ZNF324B: variants seen among roughly 807,000 people sequenced by gnomAD.
ZNF324B encodes zinc finger protein 324B.
Under a neutral mutation model 10.6 loss-of-function variants are expected in ZNF324B, and 7 were observed. The observed-to-expected ratio is 0.66, with a 90% CI of 0.38 to 1.24. ZNF324B has a LOEUF of 1.24. ZNF324B is among the 50% of genes most tolerant of loss of function. ZNF324B has a pLI of 0.02. For missense variants in ZNF324B, 640 were observed against 764.7 expected (o/e 0.84, Z 1.92); for synonymous variants, 316 against 321.0 (o/e 0.98, Z 0.17).
At chr19:58,420,096 A>G in the ZNF324B span, among the ~76,000 whole-genome samples, 1 of 152,188 alleles carries the variant, frequency 6.6e-6, no homozygotes, top group Non-Finnish European at 1.5e-5. Context: ...AGCCTGGCCA[A>G]CATGGTGAAA....
At chr19:58,451,616 G>A (rs774864305), upstream of ZNF324B, 1 of 517,572 alleles carries the variant, frequency 1.9e-6, no homozygotes, top group Middle Eastern at 3.2e-4. Flanking sequence ...TTCCGGCGTT[G>A]GGACTGTCAC....
chr19:58,427,386 CTT>C, the ZNF324B span, among the ~76,000 whole-genome samples: 37 of 41,974 alleles, frequency 8.8e-4, no homozygotes, highest in African/African-American at 4.0e-3. Flanking sequence ...TTCTTTCTTT[CTT>C]TCTTTCTTTC....
Position 58,451,687 on chromosome 19 carries a change from A to AGGGCTTGT in ZNF324B, c.-22_-21insGCTTGTGG. 1 of 500,694 alleles carries AGGGCTTGT rather than the reference A, an allele frequency of 2.0e-6. No individual in the cohort carries two copies. Among genetic ancestry groups the AGGGCTTGT allele is most frequent in the Admixed American group, 2.1e-5 (1 of 48,516 alleles). 31.0% of individuals were successfully genotyped at this position (500,694 alleles called of 1,614,324 possible). On this transcript the variant is annotated 5_prime_UTR_variant, in exon 1 of 4. Coordinates refer to ENST00000336614, the MANE Select transcript of ZNF324B (RefSeq NM_207395.3). ...GCTGTGGCGCGCGGGTCGGGGCCCG[A>AGGGCTTGT]GGCGGGCGGCCAGGAAGGTACGGAC...
At position 58,455,643 on chromosome 19, in the gene ZNF324B, A is replaced by G. The variant is rs1374562637; in HGVS notation, c.699A>G (p.Arg233=). Residue 233 remains arginine, a synonymous_variant, in exon 4 of 4, where the codon AGA becomes AGG. Coordinates refer to ENST00000336614, the MANE Select transcript of ZNF324B (RefSeq NM_207395.3). The surrounding 1 kb of genome is among the most constrained non-coding windows in gnomAD (Gnocchi z 7.0). ...RMGAAWQEPH[R]LLGGQEPSTW... is the part of the protein sequence containing the mutation. ...GCGCAGCTTGGCAGGAGCCTCATAGACTCCTCGGTGGCCAGGAGCCCTCGA... is the reference window on the plus strand; with the variant it reads ...GCGCAGCTTGGCAGGAGCCTCATAGGCTCCTCGGTGGCCAGGAGCCCTCGA... 1 of 1,612,970 alleles carries G rather than the reference A, an allele frequency of 6.2e-7. No homozygotes were observed. The highest frequency in any genetic ancestry group is 1.3e-5 in the African/African-American group (1 of 74,654).
rs1310922170 is a variant in ZNF324B at position 58,452,761 on chromosome 19, C to T, written c.-6-935C>T. On this transcript the variant is annotated intron_variant, in intron 1 of 3. Transcript: ENST00000336614. The stretch of plus-strand genomic sequence containing the variant: ...CTGAAGAAGGCGATGAGCAGTCAGG[C>T]GTGCGGAGTTACAGCTTGAGGGTAA... The T allele has an allele frequency of 1.7e-5, 10 of 594,606 alleles. 1 individual carries two copies. Among genetic ancestry groups the T allele is most frequent in the East Asian group, 1.4e-4 (1 of 7,016 alleles). The allele number at this position is 594,606 out of a possible 1,614,324, so 36.8% of individuals were successfully genotyped here.
the ZNF324B span, chr19:58,437,311 C>G: frequency 5.8e-6 from 8 of 1,371,256 alleles, no homozygotes; most frequent in Non-Finnish European, 7.8e-6. Flanking sequence ...ATCTCTTTTT[C>G]TTATGATCCT....
At chr19:58,443,190 G>A in the ZNF324B span, 1 of 152,240 alleles carries the variant, frequency 6.6e-6, no homozygotes, top group African/African-American at 2.4e-5. Context: ...GCTAGACACA[G>A]AGCGCTGATT....
At position 58,453,815 on chromosome 19, in the gene ZNF324B, C is replaced by G. The variant is rs746188856; in HGVS notation, c.114C>G (p.Thr38=). The G allele has an allele frequency of 7.4e-6, 12 of 1,613,752 alleles. No homozygotes were observed. Among genetic ancestry groups the G allele is most frequent in the Admixed American group, 1.7e-5 (1 of 59,984 alleles). ...HVMLENFTLV[T]SLGLSTSRPR... is the part of the protein sequence containing the mutation. ...TGCTGGAAAACTTCACACTTGTGAC[C>G]TCACTTGGTAAGGCCCTGGGTGCTC... The change falls in exon 2 of 4, where the codon ACC becomes ACG. Residue 38 remains threonine, a synonymous_variant. Transcript: ENST00000336614.
chr19:58,424,268 A>AAAC, the ZNF324B span, among the ~76,000 whole-genome samples: 583 of 151,920 alleles, frequency 3.8e-3, 2 homozygotes, highest in African/African-American at 0.013. Context: ...AAAATAAAAC[A>AAAC]AACAACAACA....
the ZNF324B span, among the ~76,000 whole-genome samples, chr19:58,423,070 C>T: frequency 2.6e-5 from 4 of 152,116 alleles, no homozygotes; most frequent in Non-Finnish European, 5.9e-5. Context: ...AGGGTTTCAC[C>T]GTGTTAGCCA....
chr19:58,427,332 TTTC>T, the ZNF324B span, among the ~76,000 whole-genome samples: 1 of 98,544 alleles, frequency 1.0e-5, no homozygotes, highest in African/African-American at 6.2e-5. Context: ...TCTTTCTTTC[TTTC>T]TTTCTTTCTC....
chr19:58,437,917 G>A, the ZNF324B span: 7 of 473,132 alleles, frequency 1.5e-5, no homozygotes, highest in South Asian at 4.6e-4. Context: ...GCCTTTGTAT[G>A]TGTTGTCTCC....
intron 3 of ZNF324B, chr19:58,454,955 TG>T (rs1568604235): frequency 5.8e-6 from 4 of 686,622 alleles, no homozygotes; most frequent in African/African-American, 1.8e-5. Context: ...CCTGGGTGTC[TG>T]GGGGCTGCCG....
At chr19:58,442,566 C>G in the ZNF324B span, 1 of 152,294 alleles carries the variant, frequency 6.6e-6, no homozygotes, top group Admixed American at 6.6e-5. Context: ...GGTTCGTGGT[C>G]TTGCTGACTT....
the ZNF324B span, chr19:58,439,777 C>T: frequency 6.5e-7 from 1 of 1,545,258 alleles, no homozygotes; most frequent in Non-Finnish European, 8.7e-7. Flanking sequence ...GGCCCATCAG[C>T]AACGCTGGCA....
the ZNF324B span, chr19:58,433,604 G>A: frequency 6.2e-7 from 1 of 1,614,158 alleles, no homozygotes; most frequent in Non-Finnish European, 8.5e-7. Context: ...TGACAAATAA[G>A]GCTGGATTTT....
the ZNF324B span, chr19:58,439,621 A>C: frequency 1.2e-6 from 1 of 863,564 alleles, no homozygotes; most frequent in Non-Finnish European, 1.7e-6. Flanking sequence ...AGTGACTCCC[A>C]GGGCAGGGCC....
the ZNF324B span, chr19:58,445,720 CAGG>C: frequency 3.1e-6 from 1 of 327,372 alleles, no homozygotes; most frequent in African/African-American, 2.2e-5. Flanking sequence ...GAGGCTGAGG[CAGG>C]AGAATTGCTT....
the ZNF324B span, chr19:58,430,481 G>C: frequency 6.6e-6 from 1 of 152,252 alleles, no homozygotes; most frequent in Non-Finnish European, 1.5e-5. Context: ...GGGAGCTGTG[G>C]CTTTCCCACA....
Sources: allele counts gnomAD v4.1 joint callset (sites outside exome capture counted in the v4.1 genomes callset), GRCh38; gene constraint gnomAD v4.1.1; non-coding constraint Gnocchi (gnomAD v3.1); transcripts MANE v1.5; gene names NCBI Gene and HGNC (gene_info 2026-07-23, HGNC 2026-07-21).